The following SPNS3 variants were observed in gnomAD, a reference collection of about 807,000 sequenced individuals.
The protein encoded by SPNS3 is SPNS lysolipid transporter 3, sphingosine-1-phosphate (putative).
In SPNS3, 51 loss-of-function variants were observed where a neutral mutation model predicts 54.4. The ratio of observed to expected loss-of-function variants is 0.94; its 90% confidence interval spans 0.75 to 1.18. The LOEUF is 1.18. Ranked by LOEUF, SPNS3 falls within the 50% of genes most tolerant of loss-of-function variation. The pLI, the probability that SPNS3 is intolerant of heterozygous loss-of-function variation, is 0.00. For missense variants in SPNS3, 669 were observed against 677.4 expected (o/e 0.99, Z 0.14); for synonymous variants, 309 against 294.7 (o/e 1.05, Z -0.50).
At chr17:4,478,495 T>C in intron 8 of SPNS3, 77 bp from the exon 9 acceptor site, 1 of 1,346,342 alleles carries the variant, frequency 7.4e-7, no homozygotes, top group South Asian at 1.3e-5. Flanking sequence ...GTCTCTCCTC[T>C]CCACAGGTGG....
intron 2 of SPNS3, among the ~76,000 whole-genome samples, chr17:4,441,981 G>A (rs1401078879): frequency 1.1e-5 from 1 of 89,038 alleles, no homozygotes; most frequent in African/African-American, 4.4e-5. Flanking sequence ...CACGGAGGGA[G>A]AAGTGTGTGT....
chr17:4,482,595 G>C (rs1231271298), intron 9 of SPNS3: 24 of 152,100 alleles, frequency 1.6e-4, no homozygotes, highest in Admixed American at 1.6e-3. Context: ...GGTTTCTGTT[G>C]ATGAAAATGA....
rs1970888406 is a variant in SPNS3 at position 4,442,885 on chromosome 17, C to G, written c.266-2147C>G. On this transcript the variant is annotated intron_variant, in intron 2 of 11. Coordinates refer to ENST00000355530, the MANE Select transcript of SPNS3 (RefSeq NM_182538.5). The stretch of plus-strand genomic sequence containing the variant: ...TTAACTCTGGGAGCATTCATTTCAC[C>G]CACTGTGTCACAGAAATGATTTGAA... Among the ~76,000 whole-genome samples, 3 of 152,174 alleles carry G rather than the reference C, an allele frequency of 2.0e-5. No homozygotes were observed. The South Asian group carries it at 6.2e-4, about 32-fold the overall frequency.
intron 9 of SPNS3, among the ~76,000 whole-genome samples, chr17:4,480,333 C>G (rs1439295718): frequency 6.6e-6 from 1 of 152,222 alleles, no homozygotes; most frequent in Non-Finnish European, 1.5e-5. Flanking sequence ...ACCACCTGCC[C>G]GGTAGGGTGA....
chr17:4,449,851 G>A (rs1971110743), intron 7 of SPNS3, among the ~76,000 whole-genome samples: 1 of 152,146 alleles, frequency 6.6e-6, no homozygotes, highest in African/African-American at 2.4e-5. Flanking sequence ...AAGGCTGCCG[G>A]GAGGGGAGGC....
intron 8 of SPNS3, among the ~76,000 whole-genome samples, chr17:4,475,105 C>CT (rs1479018548): frequency 1.3e-5 from 2 of 151,266 alleles, no homozygotes; most frequent in Non-Finnish European, 3.0e-5. Context: ...CCGGGGATGA[C>CT]TAAAGCCAGG....
Position 4,486,009 on chromosome 17 carries a change from C to T in SPNS3, c.1180-219C>T, listed in dbSNP as rs559329072. On this transcript the variant is annotated intron_variant, in intron 9 of 11. Coordinates refer to ENST00000355530, the MANE Select transcript of SPNS3 (RefSeq NM_182538.5). The surrounding 1 kb of genome is among the most constrained non-coding windows in gnomAD (Gnocchi z 5.5). Reference sequence around the variant, plus strand: ...CAAGAGGGGTGGCCCTGATCAGGGGCCTTGGCACCCCCATCCTGGGGCACT... The same window carrying T: ...CAAGAGGGGTGGCCCTGATCAGGGGTCTTGGCACCCCCATCCTGGGGCACT... 4.2e-6 allele frequency: 2 copies of T among 471,104 alleles called. No homozygotes were observed. The highest frequency in any genetic ancestry group is 7.4e-6 in the Non-Finnish European group (2 of 269,788). The allele number at this position is 471,104 out of a possible 1,614,324, so 29.2% of individuals were successfully genotyped here. A position where few individuals can be genotyped will look rare whatever the true frequency, so the allele number is the denominator to read the frequency against.
At chr17:4,456,548 C>T (rs921968238) in intron 8 of SPNS3, among the ~76,000 whole-genome samples, 24 of 152,098 alleles carry the variant, frequency 1.6e-4, no homozygotes, top group East Asian at 9.7e-4. Flanking sequence ...TTTTTTGAGA[C>T]GGAGTCTCTC....
intron 5 of SPNS3, 104 bp downstream of exon 5, chr17:4,447,066 AGGGGGAC>A: frequency 9.9e-7 from 1 of 1,010,134 alleles, no homozygotes. Flanking sequence ...CGGCGCCATT[AGGGGGAC>A]GGGGGGTGGT....
chr17:4,455,750 G>A (rs904407153), intron 8 of SPNS3, among the ~76,000 whole-genome samples: 1 of 152,168 alleles, frequency 6.6e-6, no homozygotes, highest in Non-Finnish European at 1.5e-5. Flanking sequence ...GGGAGTCAGG[G>A]CCCAGGGTCC....
At chr17:4,461,044 A>C (rs1334757725) in intron 8 of SPNS3, among the ~76,000 whole-genome samples, 1 of 152,160 alleles carries the variant, frequency 6.6e-6, no homozygotes, top group Non-Finnish European at 1.5e-5. Flanking sequence ...AGGTCAATTC[A>C]AATTTTCTAT....
At chr17:4,439,519 G>A (rs948004119) in intron 1 of SPNS3, 139 bp from the exon 2 acceptor site, 1 of 663,666 alleles carries the variant, frequency 1.5e-6, no homozygotes. Flanking sequence ...TGGGAGAGAG[G>A]GGGAGAGAAC....
chr17:4,446,273 C>T (rs75054741), intron 4 of SPNS3, 74 bp downstream of exon 4: 23,624 of 1,519,604 alleles, frequency 0.016, 223 homozygotes, highest in Non-Finnish European at 0.018. Context: ...GGGGCTGGAC[C>T]TGGGTAGGAG....
chr17:4,448,138 G>T lies in SPNS3; in HGVS notation c.622-17G>T. ...ATAATATGCGGCCCTGAGCTTCCTG[G>T]GCCCTCCTGTCCCCAGGTCATGCCC... On this transcript the variant is annotated splice_polypyrimidine_tract_variant and intron_variant, in intron 5 of 11. Transcript: ENST00000355530. 1 of 1,566,198 alleles carries T rather than the reference G, an allele frequency of 6.4e-7. No individual in the cohort carries two copies.
intron 7 of SPNS3, 78 bp from the exon 8 acceptor site, chr17:4,452,938 C>G: frequency 7.0e-7 from 1 of 1,426,266 alleles, no homozygotes; most frequent in Admixed American, 1.9e-5. Context: ...GGGGCTAGAC[C>G]TGGGGCTGGG....
At chr17:4,485,695 C>G (rs571142953) in intron 9 of SPNS3, among the ~76,000 whole-genome samples, 34 of 152,290 alleles carry the variant, frequency 2.2e-4, no homozygotes, top group African/African-American at 8.2e-4. Flanking sequence ...CGCGCCTGGC[C>G]CAGAGTTCAT....
At chr17:4,444,781 G>T (rs1227066055) in intron 2 of SPNS3, among the ~76,000 whole-genome samples, 1 of 152,152 alleles carries the variant, frequency 6.6e-6, no homozygotes, top group Non-Finnish European at 1.5e-5. Context: ...GTGTTGGGGT[G>T]ACACTCAGAG....
At chr17:4,464,828 C>T (rs1226123367) in intron 8 of SPNS3, among the ~76,000 whole-genome samples, 1 of 152,078 alleles carries the variant, frequency 6.6e-6, no homozygotes, top group African/African-American at 2.4e-5. Context: ...TACAGGCATC[C>T]ACCACTATGC....
intron 1 of SPNS3, among the ~76,000 whole-genome samples, chr17:4,439,287 C>A (rs1970789198): frequency 6.6e-6 from 1 of 152,074 alleles, no homozygotes; most frequent in African/African-American, 2.4e-5. Flanking sequence ...CCACGTCCGG[C>A]TAATTTTTTG....
Sources: allele counts gnomAD v4.1 joint callset (sites outside exome capture counted in the v4.1 genomes callset), GRCh38; gene constraint gnomAD v4.1.1; non-coding constraint Gnocchi (gnomAD v3.1); transcripts MANE v1.5; gene names NCBI Gene and HGNC (gene_info 2026-07-23, HGNC 2026-07-21).